PARG: variants seen among roughly 807,000 people sequenced by gnomAD.
PARG encodes mitochondrial poly(ADP-ribose) glycohydrolase.
A neutral mutation model predicts 113.0 loss-of-function variants in PARG; 35 were observed. The observed-to-expected ratio is 0.31, with a 90% CI of 0.24 to 0.41. The LOEUF is 0.41. Among genes scored for constraint, PARG ranks in the 10% least tolerant of loss-of-function variants. The pLI is 1.00. For missense variants in PARG, 797 were observed against 1,169.4 expected (o/e 0.68, Z 4.64); for synonymous variants, 330 against 409.9 (o/e 0.81, Z 2.36).
At chr10:49,926,341 T>C (rs1554850575) in intron 4 of PARG, among the ~76,000 whole-genome samples, 1 of 151,720 alleles carries the variant, frequency 6.6e-6, no homozygotes, top group Non-Finnish European at 1.5e-5. Flanking sequence ...TATCTAGCCT[T>C]GAGAAGTAAA....
intron 16 of PARG, among the ~76,000 whole-genome samples, chr10:49,832,155 G>A (rs1010680745): frequency 6.6e-6 from 1 of 152,142 alleles, no homozygotes. Flanking sequence ...TTTGTTGATC[G>A]GATTTTGTGA....
intron 7 of PARG, among the ~76,000 whole-genome samples, chr10:49,888,453 T>C (rs1288252885): frequency 1.7e-4 from 26 of 152,310 alleles, no homozygotes; most frequent in East Asian, 1.3e-3. Context: ...CCTGAGAACA[T>C]TGTGGTTTCC....
intron 16 of PARG, among the ~76,000 whole-genome samples, chr10:49,820,897 T>A (rs1012611969): frequency 1.3e-5 from 2 of 152,146 alleles, no homozygotes; most frequent in Non-Finnish European, 1.5e-5. Context: ...GTATTTATAT[T>A]CGCTTCTATT....
At chr10:49,900,955 G>T (rs1848323033) in intron 7 of PARG, among the ~76,000 whole-genome samples, 1 of 152,202 alleles carries the variant, frequency 6.6e-6, no homozygotes. Context: ...AGCTAATGGT[G>T]ATGTAAGTTT....
intron 7 of PARG, among the ~76,000 whole-genome samples, chr10:49,891,608 TATATATATATATA>T (rs1847791271): frequency 4.3e-5 from 2 of 46,160 alleles, no homozygotes; most frequent in African/African-American, 2.6e-4. Context: ...TATATATATA[TATATATATATATA>T]TATTTTTTTT....
At chr10:49,867,872 G>A (rs1366187977) in intron 10 of PARG, among the ~76,000 whole-genome samples, 1 of 151,972 alleles carries the variant, frequency 6.6e-6, no homozygotes, top group Non-Finnish European at 1.5e-5. Context: ...AGTAAACTCT[G>A]TACTACTTCG....
chr10:49,889,362 T>G (rs1341845698), intron 7 of PARG, among the ~76,000 whole-genome samples: 2 of 152,218 alleles, frequency 1.3e-5, no homozygotes, highest in Non-Finnish European at 2.9e-5. Context: ...GGGAATGGGA[T>G]AGCTACTTCA....
intron 12 of PARG, among the ~76,000 whole-genome samples, chr10:49,859,161 A>AC (rs1846136151): frequency 6.7e-6 from 1 of 149,188 alleles, no homozygotes; most frequent in East Asian, 1.9e-4. Flanking sequence ...AAAAAAAAAA[A>AC]CAAATGTAAA....
chr10:49,906,782 A>G (rs1848611879), intron 7 of PARG, among the ~76,000 whole-genome samples: 1 of 152,220 alleles, frequency 6.6e-6, no homozygotes, highest in Non-Finnish European at 1.5e-5. Context: ...AGCAAACACA[A>G]AGGAGATATT....
chr10:49,820,315 C>A (rs776004976), intron 16 of PARG, 22 bp from the exon 17 acceptor site: 5 of 1,530,414 alleles, frequency 3.3e-6, no homozygotes, highest in Non-Finnish European at 4.4e-6. Flanking sequence ...AGAAAAGACA[C>A]GGCTATATCA....
At chr10:49,822,564 G>T (rs1588856368) in intron 16 of PARG, among the ~76,000 whole-genome samples, 1 of 151,856 alleles carries the variant, frequency 6.6e-6, no homozygotes, top group South Asian at 2.1e-4. Flanking sequence ...TGGTTGGGGT[G>T]TTAGAATAGG....
intron 6 of PARG, among the ~76,000 whole-genome samples, chr10:49,921,928 C>T (rs1473699094): frequency 1.1e-4 from 16 of 152,044 alleles, no homozygotes; most frequent in African/African-American, 3.6e-4. Flanking sequence ...AACCAGAATG[C>T]TTAACATATA....
chr10:49,821,962 G>A (rs1371843968), intron 16 of PARG, among the ~76,000 whole-genome samples: 1 of 152,150 alleles, frequency 6.6e-6, no homozygotes, highest in African/African-American at 2.4e-5. Context: ...GCCAGAAAGA[G>A]AGAACTGCAA....
chr10:49,895,634 G>A (rs186148024), intron 7 of PARG, among the ~76,000 whole-genome samples: 1 of 151,934 alleles, frequency 6.6e-6, no homozygotes, highest in African/African-American at 2.4e-5. Flanking sequence ...TTGAACTCCT[G>A]TCCTCAAGTG....
chr10:49,916,479 GA>G (rs1444217119), intron 6 of PARG, among the ~76,000 whole-genome samples: 2 of 151,506 alleles, frequency 1.3e-5, no homozygotes, highest in Non-Finnish European at 2.9e-5. Context: ...GAGGAGATTA[GA>G]AAAAAAGTAT....
At chr10:49,836,640 T>C (rs1844949895) in intron 15 of PARG, among the ~76,000 whole-genome samples, 1 of 152,082 alleles carries the variant, frequency 6.6e-6, no homozygotes, top group Non-Finnish European at 1.5e-5. Context: ...TTTTGAACAT[T>C]CTCGAAAAGT....
At chr10:49,869,402 G>T (rs1456640882) in intron 10 of PARG, 74 bp downstream of exon 10, 1 of 672,464 alleles carries the variant, frequency 1.5e-6, no homozygotes, top group African/African-American at 1.8e-5. Context: ...AACACAAAAT[G>T]TTCCTCACAT....
intron 6 of PARG, among the ~76,000 whole-genome samples, chr10:49,920,343 G>C (rs1434987570): frequency 2.7e-5 from 4 of 150,138 alleles, no homozygotes; most frequent in Non-Finnish European, 5.9e-5. Flanking sequence ...CTGCTACTCA[G>C]GAGGCTGAGA....
chr10:49,936,499 T>C (rs1838744259), intron 1 of PARG, among the ~76,000 whole-genome samples: 1 of 152,188 alleles, frequency 6.6e-6, no homozygotes, highest in Admixed American at 6.5e-5. Context: ...GTAGAATTGA[T>C]AGCTCAGGAG....
Sources: gnomAD v4.1 joint callset for allele counts (sites outside exome capture counted in the v4.1 genomes callset) on GRCh38, gnomAD v4.1.1 for gene constraint, MANE v1.5 for transcripts, NCBI Gene and HGNC (gene_info 2026-07-23, HGNC 2026-07-21) for gene names.